Variants in SPAG9 observed in about 807,000 individuals in gnomAD.
The protein encoded by SPAG9 is sperm associated antigen 9.
SPAG9 carries 35 observed loss-of-function variants against 166.5 expected under a neutral mutation model. That is an observed-to-expected ratio of 0.21 (90% confidence interval 0.16 to 0.28). The LOEUF (loss-of-function observed/expected upper bound fraction) is 0.28. SPAG9 is among the 10% of genes least tolerant of loss of function. SPAG9 has a pLI of 1.00. For synonymous variants in SPAG9, 534 were observed against 565.5 expected, an observed-to-expected ratio of 0.94 and a Z score of 0.79; for missense variants, 1,235 against 1,603.3, an observed-to-expected ratio of 0.77 and a Z score of 3.92.
chr17:51,034,005 T>C (rs2046484166), intron 5 of SPAG9, among the ~76,000 whole-genome samples: 1 of 152,224 alleles, frequency 6.6e-6, no homozygotes, highest in Non-Finnish European at 1.5e-5. Flanking sequence ...ATAGGCATCT[T>C]GGTCAACATA....
Position 51,077,738 on chromosome 17 carries a change from C to T in SPAG9, c.424+1846G>A, listed in dbSNP as rs138830673. ...CAATCTCAGCTCACTGCAACCTCCA[C>T]CTCCCAAGCTCAAGTGATCCTCCCA... is the stretch of plus-strand genomic sequence containing the variant. On this transcript the variant is annotated intron_variant, in intron 2 of 29. Transcript: ENST00000262013. Among the ~76,000 whole-genome samples, 532 of 152,214 alleles carry T rather than the reference C, an allele frequency of 3.5e-3. 2 individuals carry two copies. The highest frequency in any genetic ancestry group is 0.012 in the African/African-American group (511 of 41,572).
At chr17:51,059,667 G>A (rs930114441) in intron 2 of SPAG9, among the ~76,000 whole-genome samples, 6 of 151,972 alleles carry the variant, frequency 3.9e-5, no homozygotes, top group East Asian at 3.9e-4. Flanking sequence ...CAGGAGAATC[G>A]CTTGAACCCA....
chr17:51,103,964 T>C (rs189354410), intron 1 of SPAG9, among the ~76,000 whole-genome samples: 44 of 152,250 alleles, frequency 2.9e-4, no homozygotes, highest in South Asian at 2.1e-4. Context: ...GCGATATTGG[T>C]GTCCTGTACC....
At chr17:51,045,779 C>T (rs1180581553) in intron 4 of SPAG9, among the ~76,000 whole-genome samples, 3 of 151,978 alleles carry the variant, frequency 2.0e-5, no homozygotes, top group African/African-American at 4.8e-5. Context: ...GTAGAGTGAG[C>T]AACAGTAAAG....
At chr17:51,118,689 T>C (rs1192567809) in intron 1 of SPAG9, among the ~76,000 whole-genome samples, 1 of 152,226 alleles carries the variant, frequency 6.6e-6, no homozygotes, top group Non-Finnish European at 1.5e-5. Context: ...ATTGTGATCC[T>C]ATCATTATTT....
intron 1 of SPAG9, among the ~76,000 whole-genome samples, chr17:51,083,223 T>C (rs1188239063): frequency 1.3e-5 from 2 of 151,346 alleles, no homozygotes; most frequent in Non-Finnish European, 2.9e-5. Context: ...AGTTGGTTTT[T>C]CTTTTTTCTT....
At chr17:50,999,482 G>C (rs759266641) in intron 14 of SPAG9, 179 bp downstream of exon 14, 450 of 1,504,408 alleles carry the variant, frequency 3.0e-4, no homozygotes, top group Non-Finnish European at 3.6e-4. Context: ...TTACCGAGTT[G>C]GCACACTATA....
chr17:51,113,910 G>A (rs533084126), intron 1 of SPAG9, among the ~76,000 whole-genome samples: 1 of 152,050 alleles, frequency 6.6e-6, no homozygotes, highest in Non-Finnish European at 1.5e-5. Flanking sequence ...TGGGAGGATC[G>A]CTTGAACCCA....
intron 8 of SPAG9, 63 bp downstream of exon 8, chr17:51,020,094 AAC>A: frequency 2.2e-6 from 2 of 891,750 alleles, no homozygotes; most frequent in Non-Finnish European, 3.7e-6. Context: ...GAGACTGGAG[AAC>A]AGTGTTTATG....
At chr17:51,104,891 C>T (rs1303433831) in intron 1 of SPAG9, among the ~76,000 whole-genome samples, 9 of 142,920 alleles carry the variant, frequency 6.3e-5, no homozygotes, top group Middle Eastern at 7.6e-3. Context: ...CGAGATCGCG[C>T]CACTGCACTC....
intron 6 of SPAG9, among the ~76,000 whole-genome samples, chr17:51,023,832 T>G (rs1251522172): frequency 6.6e-6 from 1 of 152,110 alleles, no homozygotes; most frequent in Non-Finnish European, 1.5e-5. Context: ...GCCCCACTAA[T>G]TTTTTGTATT....
chr17:51,097,218 T>C (rs2048671931), intron 1 of SPAG9, among the ~76,000 whole-genome samples: 1 of 152,228 alleles, frequency 6.6e-6, no homozygotes, highest in Non-Finnish European at 1.5e-5. Flanking sequence ...ACTACCCCCA[T>C]ACCCTGCTTT....
chr17:50,977,042 T>G, intron 27 of SPAG9, 66 bp downstream of exon 27: 1 of 1,016,690 alleles, frequency 9.8e-7, no homozygotes, highest in Non-Finnish European at 1.5e-6. Context: ...GATTTGAATT[T>G]CAGACATAAC....
chr17:51,094,278 T>TA (rs1009837178), intron 1 of SPAG9, among the ~76,000 whole-genome samples: 2 of 152,164 alleles, frequency 1.3e-5, no homozygotes, highest in African/African-American at 4.8e-5. Flanking sequence ...TTAAGAATTA[T>TA]AAGGCACTTT....
chr17:50,972,298 A>G (rs897987153), intron 28 of SPAG9, among the ~76,000 whole-genome samples: 3 of 152,230 alleles, frequency 2.0e-5, no homozygotes, highest in African/African-American at 7.2e-5. Context: ...GAGACTGAGA[A>G]AAGTCTTCAA....
rs547364331 is a variant in SPAG9 at position 50,982,791 on chromosome 17, T to C, written c.3089-119A>G. 74 of 875,884 alleles carry C rather than the reference T, an allele frequency of 8.4e-5. 1 individual carries two copies. The South Asian group carries it at 1.4e-3, about 17-fold the overall frequency. 54.3% of individuals were successfully genotyped at this position (875,884 alleles called of 1,614,324 possible). ...TTGAGGAAGCACTCAAAGTACCATG[T>C]ACTAAGTATATCTTTTATTTGCAGC... On this transcript the variant is annotated intron_variant, in intron 24 of 29. Transcript: ENST00000262013.
At chr17:51,038,047 G>C (rs1478527875) in intron 5 of SPAG9, among the ~76,000 whole-genome samples, 2 of 152,084 alleles carry the variant, frequency 1.3e-5, no homozygotes, top group Admixed American at 6.6e-5. Context: ...AATCAACAGG[G>C]TGTTAGTCTC....
chr17:51,044,935 C>T (rs1251015987), intron 4 of SPAG9, among the ~76,000 whole-genome samples: 2 of 152,092 alleles, frequency 1.3e-5, no homozygotes, highest in Non-Finnish European at 2.9e-5. Context: ...GGTATTTTAG[C>T]TGTAGCTAAA....
chr17:51,056,221 T>C (rs541080430), intron 3 of SPAG9, among the ~76,000 whole-genome samples, 191 bp downstream of exon 3: 2 of 152,348 alleles, frequency 1.3e-5, no homozygotes, highest in South Asian at 4.1e-4. Context: ...CATGAAAAGC[T>C]AATTCCAAGA....
Sources: allele counts gnomAD v4.1 joint callset (sites outside exome capture counted in the v4.1 genomes callset), GRCh38; gene constraint gnomAD v4.1.1; transcripts MANE v1.5; gene names NCBI Gene and HGNC (gene_info 2026-07-23, HGNC 2026-07-21).